ASS1: variants seen among roughly 807,000 people sequenced by gnomAD.
The protein encoded by ASS1 is argininosuccinate synthase 1.
A neutral mutation model predicts 60.5 loss-of-function variants in ASS1; 58 were observed. The ratio of observed to expected loss-of-function variants is 0.96; its 90% CI spans 0.78 to 1.19. The LOEUF is 1.19. Ranked by LOEUF, ASS1 falls within the 50% of genes most tolerant of loss-of-function variation. ASS1 has a pLI of 0.00. For synonymous variants in ASS1, 200 were observed against 206.9 expected, an observed-to-expected ratio of 0.97 and a Z score of 0.29; for missense variants, 454 against 547.3, an observed-to-expected ratio of 0.83 and a Z score of 1.70.
chr9:130,464,242 C>T, intron 5 of ASS1, 75 bp downstream of exon 5: 6 of 1,535,382 alleles, frequency 3.9e-6, no homozygotes, highest in South Asian at 1.1e-5. Context: ...GCACAGGGTT[C>T]TGGGAGATTC....
At chr9:130,465,554 C>T (rs1163748674) in intron 5 of ASS1, among the ~76,000 whole-genome samples, 3 of 152,218 alleles carry the variant, frequency 2.0e-5, no homozygotes, top group South Asian at 2.1e-4. Flanking sequence ...AATGGCCACC[C>T]GTGGCTTGTG....
intron 3 of ASS1, among the ~76,000 whole-genome samples, chr9:130,456,150 T>A (rs568918617): frequency 6.6e-6 from 1 of 152,380 alleles, no homozygotes; most frequent in East Asian, 1.9e-4. Context: ...GTGGCGTTTT[T>A]AATGTTTATT....
chr9:130,490,391 G>A lies in ASS1; in HGVS notation c.970+927G>A, dbSNP rs1846421292. On this transcript the variant is annotated intron_variant, in intron 12 of 14. Transcript: ENST00000352480. ...TGCAATGGTGCGATCTTGGCTCACT[G>A]CAACCTCCGCCTCCCTGGTTCAAGC... is the stretch of plus-strand genomic sequence containing the variant. Among the ~76,000 whole-genome samples the A allele has an allele frequency of 3.3e-5, 5 of 152,276 alleles. No homozygotes were observed. In the South Asian group the frequency reaches 1.0e-3, roughly 32 times the overall value.
At chr9:130,466,449 G>C (rs1029484845) in intron 5 of ASS1, 1 of 541,476 alleles carries the variant, frequency 1.8e-6, no homozygotes. Context: ...CTCATCTGGG[G>C]AGACTGAGGC....
intron 2 of ASS1, among the ~76,000 whole-genome samples, chr9:130,452,892 G>A (rs1307062579): frequency 1.3e-5 from 2 of 152,208 alleles, no homozygotes; most frequent in Admixed American, 6.5e-5. Context: ...CCACAGCTCT[G>A]AGTCCTTCTC....
intron 11 of ASS1, among the ~76,000 whole-genome samples, chr9:130,486,134 A>AT (rs1238809967): frequency 2.0e-5 from 3 of 151,706 alleles, no homozygotes; most frequent in South Asian, 2.1e-4. Context: ...CTAATTTACC[A>AT]TTTTTTTGTA....
chr9:130,446,348 A>G (rs1308455169), intron 1 of ASS1, among the ~76,000 whole-genome samples: 2 of 152,014 alleles, frequency 1.3e-5, no homozygotes, highest in Non-Finnish European at 2.9e-5. Context: ...AAGCTTGGCT[A>G]GGAGCAGGAA....
intron 2 of ASS1, among the ~76,000 whole-genome samples, chr9:130,453,627 A>T (rs1845374713): frequency 6.6e-6 from 1 of 152,212 alleles, no homozygotes; most frequent in Non-Finnish European, 1.5e-5. Context: ...TAAAAGCTGA[A>T]TGTGATTCAG....
intron 14 of ASS1, among the ~76,000 whole-genome samples, chr9:130,500,152 G>A (rs1407166139): frequency 6.6e-6 from 1 of 152,166 alleles, no homozygotes; most frequent in East Asian, 1.9e-4. Context: ...TTAGACCCTG[G>A]CATGCAGGAA....
At chr9:130,469,618 G>T (rs368158014) in intron 6 of ASS1, among the ~76,000 whole-genome samples, 3 of 152,196 alleles carry the variant, frequency 2.0e-5, no homozygotes, top group East Asian at 3.9e-4. Context: ...TACCATGTTG[G>T]CCAGACTGGT....
chr9:130,501,081 C>T lies in ASS1; in HGVS notation c.*60C>T, dbSNP rs977616397. ...TTTGCAGATCCCCCAAGTACAGGCG[C>T]TAATTGTTGTGATAATTTGTAATTG... On this transcript the variant is annotated 3_prime_UTR_variant, in exon 15 of 15. Coordinates refer to ENST00000352480, the MANE Select transcript of ASS1 (RefSeq NM_054012.4). 1.7e-5 allele frequency: 26 copies of T among 1,525,220 alleles called. No homozygotes were observed. The highest frequency in any genetic ancestry group is 3.3e-5 in the Admixed American group (2 of 59,806). The allele number at this position is 1,525,220 out of a possible 1,614,324, so 94.5% of individuals were successfully genotyped here. A position where few individuals can be genotyped will look rare whatever the true frequency, so the allele number is the denominator to read the frequency against.
chr9:130,477,425 C>CA lies in ASS1; in HGVS notation c.688+465dup, dbSNP rs368950534. Among the ~76,000 whole-genome samples, 1,026 of 152,342 alleles carry CA rather than the reference C, an allele frequency of 6.7e-3. 16 individuals carry two copies. The highest frequency in any genetic ancestry group is 0.024 in the African/African-American group (979 of 41,566). On this transcript the variant is annotated intron_variant, in intron 9 of 14. Transcript: ENST00000352480. The surrounding 1 kb of genome is among the most constrained non-coding windows in gnomAD (Gnocchi z 4.2). ...GGCCTCATGGACCCCTGGGACCCCACATGGAAAGCCTTCGCCAGTCTTCAT... is the reference window on the plus strand; with the variant it reads ...GGCCTCATGGACCCCTGGGACCCCACAATGGAAAGCCTTCGCCAGTCTTCAT...
chr9:130,448,819 C>T (rs1444757847), intron 1 of ASS1, among the ~76,000 whole-genome samples: 2 of 152,180 alleles, frequency 1.3e-5, no homozygotes, highest in Non-Finnish European at 2.9e-5. Flanking sequence ...CCACCTCGGC[C>T]GTCCAAAGTG....
At chr9:130,475,901 C>T (rs191589113) in intron 8 of ASS1, among the ~76,000 whole-genome samples, 3 of 152,136 alleles carry the variant, frequency 2.0e-5, no homozygotes, top group South Asian at 2.1e-4. Context: ...GGACTACAGG[C>T]GCATGCCGCC....
Position 130,477,728 on chromosome 9 carries a change from G to A in ASS1, c.688+767G>A, listed in dbSNP as rs919351353. Among the ~76,000 whole-genome samples the A allele has an allele frequency of 1.3e-5, 2 of 152,244 alleles. No individual in the cohort carries two copies. Among genetic ancestry groups the A allele is most frequent in the Non-Finnish European group, 2.9e-5 (2 of 68,036 alleles). On this transcript the variant is annotated intron_variant, in intron 9 of 14. Coordinates refer to ENST00000352480, the MANE Select transcript of ASS1 (RefSeq NM_054012.4). This position sits in a 1 kb window ranked among gnomAD's most constrained non-coding sequence, Gnocchi z 4.2. ...GCCTGAAGGGGTACCTTTTCAGGAG[G>A]CTGGAGTGATCAGGGAGGCTTCCTG... is the stretch of plus-strand genomic sequence containing the variant.
chr9:130,461,105 G>A (rs1845580245), intron 4 of ASS1, among the ~76,000 whole-genome samples: 1 of 151,016 alleles, frequency 6.6e-6, no homozygotes, highest in Admixed American at 6.6e-5. Flanking sequence ...ACAAGCCGAG[G>A]GCAGGGGATC....
chr9:130,489,033 A>G lies in ASS1; in HGVS notation c.839-300A>G, dbSNP rs941947519. ...TTCAACCTCGGGCCGGTGGGCACGC[A>G]TGGGGAGGGAGGGGTTGCTGCTCCG... On this transcript the variant is annotated intron_variant, in intron 11 of 14. Transcript: ENST00000352480. This position sits in a 1 kb window ranked among gnomAD's most constrained non-coding sequence, Gnocchi z 4.1. Among the ~76,000 whole-genome samples the G allele has an allele frequency of 2.0e-5, 3 of 152,108 alleles. No homozygotes were observed. Among genetic ancestry groups the G allele is most frequent in the East Asian group, 1.9e-4 (1 of 5,168 alleles).
chr9:130,484,799 G>GCACA lies in ASS1; in HGVS notation c.838+4378_838+4381dup, dbSNP rs3030699. Among the ~76,000 whole-genome samples the GCACA allele has an allele frequency of 3.5e-3, 513 of 146,700 alleles. 4 individuals carry two copies. Among genetic ancestry groups the GCACA allele is most frequent in the African/African-American group, 6.5e-3 (258 of 39,680 alleles). Reference sequence around the variant, plus strand: ...GAGAGGAGAGGGAAGAGCTTTAAACGCACACACACACACACACACACACAC... The same window carrying GCACA: ...GAGAGGAGAGGGAAGAGCTTTAAACGCACACACACACACACACACACACACACAC... On this transcript the variant is annotated intron_variant, in intron 11 of 14. Transcript: ENST00000352480.
Position 130,477,068 on chromosome 9 carries a change from C to G in ASS1, c.688+107C>G. The G allele has an allele frequency of 8.3e-7, 1 of 1,207,014 alleles. No homozygotes were observed. The highest frequency in any genetic ancestry group is 1.2e-6 in the Non-Finnish European group (1 of 827,494). 74.8% of individuals were successfully genotyped at this position (1,207,014 alleles called of 1,614,324 possible). A position where few individuals can be genotyped will look rare whatever the true frequency, so the allele number is the denominator to read the frequency against. ...GCCCTCTTTACCCCCGCCCTGCATTCCTGGAAGCTAGAGTTCAGGCAGGGG... is the reference window on the plus strand; with the variant it reads ...GCCCTCTTTACCCCCGCCCTGCATTGCTGGAAGCTAGAGTTCAGGCAGGGG... On this transcript the variant is annotated intron_variant, in intron 9 of 14. Transcript: ENST00000352480. This position sits in a 1 kb window ranked among gnomAD's most constrained non-coding sequence, Gnocchi z 4.2.
Sources: allele counts gnomAD v4.1 joint callset (sites outside exome capture counted in the v4.1 genomes callset), GRCh38; gene constraint gnomAD v4.1.1; non-coding constraint Gnocchi (gnomAD v3.1); transcripts MANE v1.5; gene names NCBI Gene and HGNC (gene_info 2026-07-23, HGNC 2026-07-21).